Variants in RILPL1 observed in about 807,000 individuals in gnomAD.
RILPL1 encodes the protein Rab interacting lysosomal protein like 1.
In RILPL1, 33 loss-of-function variants were observed where a neutral mutation model predicts 50.3. The ratio of observed to expected loss-of-function variants is 0.66; its 90% CI spans 0.50 to 0.88. The LOEUF (loss-of-function observed/expected upper bound fraction) is 0.88. Among genes scored for constraint, RILPL1 ranks in the 40% least tolerant of loss-of-function variants. The pLI is 0.00. For synonymous variants in RILPL1, 205 were observed against 228.6 expected (o/e 0.90, Z 0.93); for missense variants, 418 against 542.5 (o/e 0.77, Z 2.28).
chr12:123,530,239 C>T (rs551611911), intron 1 of RILPL1, among the ~76,000 whole-genome samples: 60 of 152,228 alleles, frequency 3.9e-4, no homozygotes, highest in Admixed American at 1.6e-3. Context: ...GATTTCGACT[C>T]GCTGCAATCT....
At chr12:123,495,883 G>A (rs1430274145) in intron 4 of RILPL1, among the ~76,000 whole-genome samples, 14 of 151,142 alleles carry the variant, frequency 9.3e-5, no homozygotes, top group Non-Finnish European at 1.9e-4. Context: ...GTTTCGCCAC[G>A]TTAGCCAGGC....
chr12:123,476,807 G>A (rs912282617), intron 6 of RILPL1, among the ~76,000 whole-genome samples: 31 of 152,236 alleles, frequency 2.0e-4, no homozygotes, highest in Non-Finnish European at 4.4e-5. Flanking sequence ...TTTTGTTACA[G>A]CAGTTCTAGA....
intron 6 of RILPL1, among the ~76,000 whole-genome samples, chr12:123,479,116 G>T (rs1398856063): frequency 5.3e-5 from 8 of 152,196 alleles, no homozygotes; most frequent in Admixed American, 4.6e-4. Flanking sequence ...ATGGTGGCGG[G>T]GGTGGGAGCA....
chr12:123,509,208 G>A (rs1883937993), intron 2 of RILPL1, among the ~76,000 whole-genome samples: 1 of 152,024 alleles, frequency 6.6e-6, no homozygotes, highest in African/African-American at 2.4e-5. Context: ...TCCATCAACG[G>A]AAGAATGGAA....
rs377644760 is a variant in RILPL1, at chr12:123,523,482, G to A, written c.460+13C>T. Reference sequence around the variant, plus strand: ...TGGCCGGCCCCCTTGCATTGGCGCCGACCCCCACTTACCTTCATGCTTCTG... The same window carrying A: ...TGGCCGGCCCCCTTGCATTGGCGCCAACCCCCACTTACCTTCATGCTTCTG... On this transcript the variant is annotated intron_variant, in intron 2 of 6. Transcript: ENST00000376874. The A allele has an allele frequency of 3.5e-5, 56 of 1,613,732 alleles. No individual in the cohort carries two copies. The highest frequency in any genetic ancestry group is 8.0e-5 in the African/African-American group (6 of 74,918).
chr12:123,484,542 A>G (rs980493803), intron 5 of RILPL1, among the ~76,000 whole-genome samples: 15 of 150,312 alleles, frequency 1.0e-4, no homozygotes, highest in African/African-American at 3.7e-4. Context: ...TCTAAATACT[A>G]CCCTATCCTT....
At chr12:123,506,845 G>T (rs1421873122) in intron 2 of RILPL1, among the ~76,000 whole-genome samples, 1 of 152,152 alleles carries the variant, frequency 6.6e-6, no homozygotes, top group Non-Finnish European at 1.5e-5. Context: ...TGGCCATGGG[G>T]GGCATGAGTG....
chr12:123,484,803 G>A (rs1019822552), intron 5 of RILPL1: 1 of 251,968 alleles, frequency 4.0e-6, no homozygotes, highest in Non-Finnish European at 8.0e-6. Context: ...ACTACAGGGT[G>A]AGCCACCATA....
At chr12:123,492,234 A>ATAT (rs142829506) in intron 4 of RILPL1, among the ~76,000 whole-genome samples, 3 of 145,246 alleles carry the variant, frequency 2.1e-5, no homozygotes, top group Middle Eastern at 3.5e-3. Context: ...AAGAAAAAAA[A>ATAT]ATATATATAT....
intron 2 of RILPL1, among the ~76,000 whole-genome samples, chr12:123,512,819 G>GT (rs1360176386): frequency 6.8e-6 from 1 of 146,042 alleles, no homozygotes; most frequent in Non-Finnish European, 1.5e-5. Context: ...TGAGATCTGT[G>GT]TATGTGTGAG....
intron 5 of RILPL1, among the ~76,000 whole-genome samples, chr12:123,484,581 C>T (rs1194691748): frequency 6.6e-6 from 1 of 151,958 alleles, no homozygotes; most frequent in African/African-American, 2.4e-5. Context: ...AATGCTGCTT[C>T]CTCCAGGAGG....
intron 5 of RILPL1, chr12:123,484,853 T>G: frequency 4.2e-6 from 1 of 237,278 alleles, no homozygotes; most frequent in East Asian, 9.5e-5. Flanking sequence ...GAGATGGGGG[T>G]CCCACTATGT....
At chr12:123,525,459 GGA>G (rs1885216913) in intron 1 of RILPL1, among the ~76,000 whole-genome samples, 1 of 149,502 alleles carries the variant, frequency 6.7e-6, no homozygotes, top group Non-Finnish European at 1.5e-5. Flanking sequence ...CAGCACTTTG[GGA>G]GGCCGAGGTG....
At chr12:123,502,790 T>C (rs1883479991) in intron 2 of RILPL1, among the ~76,000 whole-genome samples, 2 of 152,248 alleles carry the variant, frequency 1.3e-5, no homozygotes, top group Admixed American at 1.3e-4. Context: ...CAGAAATTTA[T>C]TTTCTCATAG....
intron 2 of RILPL1, among the ~76,000 whole-genome samples, chr12:123,518,875 G>A (rs994188831): frequency 2.0e-5 from 3 of 151,854 alleles, no homozygotes; most frequent in East Asian, 1.9e-4. Context: ...TGGCTAACAC[G>A]GTGAAATCCC....
At chr12:123,517,985 G>A (rs11533169) in intron 2 of RILPL1, among the ~76,000 whole-genome samples, 6 of 152,124 alleles carry the variant, frequency 3.9e-5, no homozygotes, top group South Asian at 2.1e-4. Flanking sequence ...GGAAAAATAC[G>A]ATATGACTCC....
rs1354303443 is a variant in RILPL1 at position 123,517,052 on chromosome 12, AGT to A, written c.460+6441_460+6442del. On this transcript the variant is annotated intron_variant, in intron 2 of 6. Coordinates refer to ENST00000376874, the MANE Select transcript of RILPL1 (RefSeq NM_178314.5). ...CACTGCACTCCAGCCTGCGGGGCAA[AGT>A]GAGACCCTGTCTCAAAACAAAAAAC... is the stretch of plus-strand genomic sequence containing the variant. Among the ~76,000 whole-genome samples the A allele has an allele frequency of 3.3e-5, 5 of 152,274 alleles. No homozygotes were observed. The South Asian group carries it at 8.3e-4, about 25-fold the overall frequency.
Position 123,485,124 on chromosome 12 carries a change from C to G in RILPL1, c.974+509G>C. The G allele has an allele frequency of 2.2e-6, 1 of 456,090 alleles. No homozygotes were observed. Among genetic ancestry groups the G allele is most frequent in the Middle Eastern group, 3.3e-4 (1 of 3,070 alleles). 28.3% of individuals were successfully genotyped at this position (456,090 alleles called of 1,614,324 possible). A position where few individuals can be genotyped will look rare whatever the true frequency, so the allele number is the denominator to read the frequency against. On this transcript the variant is annotated intron_variant, in intron 5 of 6. Transcript: ENST00000376874. The surrounding 1 kb of genome is among the most constrained non-coding windows in gnomAD (Gnocchi z 4.0). ...TATTCAACAGATATTTGTTGTGCAC[C>G]TACTGTGTGCCAAGCTCCATTCTAA...
rs1465278727 is a variant in RILPL1, at chr12:123,472,340, G to C, written c.*198C>G. ...TCTATTAGAAACAGTGATAGCCCTG[G>C]GTATAAATAAACATTTCTTTAGAGT... On this transcript the variant is annotated 3_prime_UTR_variant, in exon 7 of 7. Transcript: ENST00000376874. The C allele has an allele frequency of 5.2e-6, 3 of 575,724 alleles. No homozygotes were observed. The highest frequency in any genetic ancestry group is 9.2e-6 in the Non-Finnish European group (3 of 325,340). The allele number at this position is 575,724 out of a possible 1,614,324, so 35.7% of individuals were successfully genotyped here.
Sources: gnomAD v4.1 joint callset for allele counts (sites outside exome capture counted in the v4.1 genomes callset) on GRCh38, gnomAD v4.1.1 for gene constraint, Gnocchi (gnomAD v3.1) non-coding constraint, MANE v1.5 for transcripts, NCBI Gene and HGNC (gene_info 2026-07-23, HGNC 2026-07-21) for gene names.